SPTBN1: variants seen among roughly 807,000 people sequenced by gnomAD.
SPTBN1 encodes spectrin beta chain, non-erythrocytic 1.
SPTBN1 carries 32 observed loss-of-function variants against 266.4 expected under a neutral mutation model. The observed-to-expected ratio is 0.12, with a 90% CI of 0.09 to 0.16. The LOEUF (loss-of-function observed/expected upper bound fraction) is 0.16. Ranked by LOEUF, SPTBN1 falls within the 10% of genes least tolerant of loss-of-function variation. The pLI, the probability that SPTBN1 is intolerant of heterozygous loss-of-function variation, is 1.00. For synonymous variants in SPTBN1, 1,336 were observed against 1,162.2 expected, an observed-to-expected ratio of 1.15 and a Z score of -3.04; for missense variants, 2,296 against 3,067.1, an observed-to-expected ratio of 0.75 and a Z score of 5.94.
chr2:54,613,856 A>G (rs1677392390), intron 4 of SPTBN1, among the ~76,000 whole-genome samples: 1 of 152,194 alleles, frequency 6.6e-6, no homozygotes, highest in Non-Finnish European at 1.5e-5. Context: ...GCTTCACCCC[A>G]GTTTTATGGA....
chr2:54,482,417 C>T (rs1240735351), intron 1 of SPTBN1, among the ~76,000 whole-genome samples: 1 of 151,926 alleles, frequency 6.6e-6, no homozygotes, highest in Non-Finnish European at 1.5e-5. Context: ...GTCTGGGTCC[C>T]ACTTCCAGAG....
chr2:54,492,344 TTTTTG>T (rs1185576607), intron 1 of SPTBN1, among the ~76,000 whole-genome samples: 5 of 148,704 alleles, frequency 3.4e-5, no homozygotes, highest in Non-Finnish European at 5.9e-5. Context: ...TGCAGTTGTT[TTTTTG>T]TTTTTTTTTT....
In SPTBN1 at chr2:54,621,388, T is replaced by C; in HGVS notation, c.764-12T>C. ...ATGCAACACACTGAACAGAGTCTTC[T>C]CTGGGTTACAGACATCAGCGTGGAC... is the stretch of plus-strand genomic sequence containing the variant. On this transcript the variant is annotated splice_polypyrimidine_tract_variant and intron_variant, in intron 7 of 35. Coordinates refer to ENST00000356805, the MANE Select transcript of SPTBN1 (RefSeq NM_003128.3). 1 of 1,608,136 alleles carries C rather than the reference T, an allele frequency of 6.2e-7. No homozygotes were observed.
chr2:54,562,269 C>T (rs1673356233), intron 2 of SPTBN1, among the ~76,000 whole-genome samples: 1 of 152,196 alleles, frequency 6.6e-6, no homozygotes, highest in Non-Finnish European at 1.5e-5. Context: ...GAACACTCAT[C>T]ATGCCACTTT....
chr2:54,650,017 T>C (rs751378352), intron 26 of SPTBN1, 28 bp downstream of exon 26: 1 of 1,577,516 alleles, frequency 6.3e-7, no homozygotes, highest in Non-Finnish European at 8.6e-7. Context: ...CCAGGGGTGC[T>C]GGGGAGGCTT....
intron 1 of SPTBN1, among the ~76,000 whole-genome samples, chr2:54,474,803 G>C (rs949822254): frequency 6.6e-6 from 1 of 152,150 alleles, no homozygotes; most frequent in Non-Finnish European, 1.5e-5. Flanking sequence ...TTGTCTCAGA[G>C]CTGTTTTGTA....
chr2:54,488,855 T>A (rs2103997411), intron 1 of SPTBN1, among the ~76,000 whole-genome samples: 1 of 152,282 alleles, frequency 6.6e-6, no homozygotes, highest in African/African-American at 2.4e-5. Context: ...AAGAGACTAA[T>A]CTGAATAAAC....
In SPTBN1 at chr2:54,664,443, C is replaced by A. The variant is rs1299520934; in HGVS notation, c.6421-10C>A. The A allele has an allele frequency of 6.2e-7, 1 of 1,606,686 alleles. No individual in the cohort carries two copies. Among genetic ancestry groups the A allele is most frequent in the South Asian group, 1.1e-5 (1 of 90,896 alleles). ...CGGAGTTAGCTGAATGGCCTCTCCG[C>A]TGTCCCTAGATGGCAGAAACGGTGG... On this transcript the variant is annotated splice_polypyrimidine_tract_variant and intron_variant, in intron 32 of 35. Transcript: ENST00000356805. The surrounding 1 kb of genome is among the most constrained non-coding windows in gnomAD (Gnocchi z 5.6).
At chr2:54,551,691 C>T (rs765105549) in intron 2 of SPTBN1, among the ~76,000 whole-genome samples, 2 of 151,674 alleles carry the variant, frequency 1.3e-5, no homozygotes, top group Non-Finnish European at 2.9e-5. Flanking sequence ...ATTTCAGATT[C>T]GGCTGTATAC....
chr2:54,525,835 A>G (rs1166969497), intron 1 of SPTBN1, among the ~76,000 whole-genome samples: 2 of 152,068 alleles, frequency 1.3e-5, no homozygotes, highest in Admixed American at 6.5e-5. Context: ...GATTCGAGCA[A>G]TTCTCCCTGC....
At chr2:54,617,164 C>T (rs1000027760) in intron 5 of SPTBN1, among the ~76,000 whole-genome samples, 7 of 152,156 alleles carry the variant, frequency 4.6e-5, no homozygotes, top group African/African-American at 1.7e-4. Context: ...AATTAAGTGG[C>T]GTATGGAAGA....
At chr2:54,660,244 T>C in intron 32 of SPTBN1, 1 of 1,376,062 alleles carries the variant, frequency 7.3e-7, no homozygotes, top group Non-Finnish European at 9.4e-7. Context: ...GTCTCTTAAC[T>C]GATGGATGCC....
chr2:54,486,838 C>T (rs1020634255), intron 1 of SPTBN1, among the ~76,000 whole-genome samples: 9 of 151,772 alleles, frequency 5.9e-5, no homozygotes, highest in Non-Finnish European at 1.2e-4. Context: ...TTAGAAGACA[C>T]AGGAGGAGGC....
intron 7 of SPTBN1, among the ~76,000 whole-genome samples, chr2:54,618,943 G>A (rs914932113): frequency 2.6e-5 from 4 of 152,128 alleles, no homozygotes; most frequent in African/African-American, 9.7e-5. Flanking sequence ...TAGTTCCCTT[G>A]CTTAATAAAA....
At chr2:54,570,933 C>T (rs968522507) in intron 2 of SPTBN1, among the ~76,000 whole-genome samples, 1 of 152,070 alleles carries the variant, frequency 6.6e-6, no homozygotes, top group Non-Finnish European at 1.5e-5. Context: ...TGAATAAAGT[C>T]TAGTGCAAAG....
chr2:54,500,705 C>T (rs1669211561), intron 1 of SPTBN1, among the ~76,000 whole-genome samples: 1 of 152,104 alleles, frequency 6.6e-6, no homozygotes, highest in African/African-American at 2.4e-5. Flanking sequence ...TGCCACCACG[C>T]CTAGCTAATT....
intron 2 of SPTBN1, chr2:54,557,630 A>G (rs1287620112): frequency 1.2e-6 from 1 of 805,170 alleles, no homozygotes; most frequent in Non-Finnish European, 1.5e-6. Context: ...CCTCCGGATC[A>G]TAAACAACTC....
intron 2 of SPTBN1, among the ~76,000 whole-genome samples, chr2:54,553,378 C>T (rs528314049): frequency 1.3e-5 from 2 of 152,230 alleles, no homozygotes; most frequent in African/African-American, 4.8e-5. Context: ...AGAAAGAGAA[C>T]TAGAGAGATG....
intron 1 of SPTBN1, among the ~76,000 whole-genome samples, chr2:54,509,291 G>C (rs552321218): frequency 6.6e-6 from 1 of 152,360 alleles, no homozygotes; most frequent in South Asian, 2.1e-4. Context: ...TGGGAGGCTG[G>C]ATTGAAGTCC....
Sources: gnomAD v4.1 joint callset for allele counts (sites outside exome capture counted in the v4.1 genomes callset) on GRCh38, gnomAD v4.1.1 for gene constraint, Gnocchi (gnomAD v3.1) non-coding constraint, MANE v1.5 for transcripts, NCBI Gene and HGNC (gene_info 2026-07-23, HGNC 2026-07-21) for gene names.